ECD: variants seen among roughly 807,000 people sequenced by gnomAD.
ECD encodes the protein ecdysoneless cell cycle regulator.
A neutral mutation model predicts 77.2 loss-of-function variants in ECD; 59 were observed. That is an observed-to-expected ratio of 0.76 (90% CI 0.62 to 0.95). The LOEUF (loss-of-function observed/expected upper bound fraction) is 0.95. ECD is among the 40% of genes least tolerant of loss of function. The probability of loss-of-function intolerance (pLI) is 0.00; values close to 1 mark genes in which losing one functional copy is unlikely to be tolerated. For missense variants in ECD, 704 were observed against 763.4 expected (o/e 0.92, Z 0.92); for synonymous variants, 233 against 267.4 (o/e 0.87, Z 1.26).
At chr10:73,139,604 T>C (rs1843025173) in intron 10 of ECD, 27 bp downstream of exon 10, 1 of 1,586,068 alleles carries the variant, frequency 6.3e-7, no homozygotes, top group Non-Finnish European at 8.6e-7. Flanking sequence ...TTTTAACCCT[T>C]CCACTGTATC....
intron 11 of ECD, among the ~76,000 whole-genome samples, chr10:73,138,755 T>C (rs1276809625): frequency 6.6e-6 from 1 of 152,148 alleles, no homozygotes; most frequent in Non-Finnish European, 1.5e-5. Flanking sequence ...TTAGTAGAGA[T>C]AGGGTTTCAC....
chr10:73,155,990 C>T (rs896061818), intron 5 of ECD, among the ~76,000 whole-genome samples: 1 of 151,962 alleles, frequency 6.6e-6, no homozygotes, highest in Admixed American at 6.6e-5. Flanking sequence ...TAAATAAATG[C>T]AAAAATATTG....
intron 1 of ECD, among the ~76,000 whole-genome samples, chr10:73,166,151 C>G (rs1264703537): frequency 1.3e-5 from 2 of 151,348 alleles, no homozygotes; most frequent in African/African-American, 4.9e-5. Flanking sequence ...TTACAAATAA[C>G]AGAATCTCAT....
intron 9 of ECD, among the ~76,000 whole-genome samples, chr10:73,142,765 T>C (rs1843075637): frequency 6.6e-6 from 1 of 152,102 alleles, no homozygotes; most frequent in Non-Finnish European, 1.5e-5. Flanking sequence ...CACTTTTCTC[T>C]CTCTCTGTAT....
chr10:73,137,940 C>T (rs1842997497), intron 12 of ECD, 63 bp downstream of exon 12: 5 of 1,293,322 alleles, frequency 3.9e-6, no homozygotes, highest in Non-Finnish European at 5.2e-6. Flanking sequence ...TAAACCAATG[C>T]TCTAGCAACA....
chr10:73,155,414 T>C (rs577906393), intron 5 of ECD, among the ~76,000 whole-genome samples: 1 of 152,200 alleles, frequency 6.6e-6, no homozygotes, highest in African/African-American at 2.4e-5. Context: ...TAATATTTAA[T>C]AGGCACCCAA....
At position 73,148,384 on chromosome 10, in the gene ECD, T is replaced by TAA; in HGVS notation, c.931_932dup (p.Leu311PhefsTer18). ...AAAAATGTGGGCTACATTTGGAGCA[T>TAA]AAGATCTCAAATCCATGAGCCTAGA... On this transcript the variant is annotated frameshift_variant, in exon 8 of 14. Transcript: ENST00000372979. LOFTEE classifies it high-confidence loss of function. The TAA allele has an allele frequency of 6.2e-7, 1 of 1,613,902 alleles. No individual in the cohort carries two copies. The highest frequency in any genetic ancestry group is 8.5e-7 in the Non-Finnish European group (1 of 1,179,834).
chr10:73,155,797 T>C (rs924109103), intron 5 of ECD, among the ~76,000 whole-genome samples: 3 of 151,898 alleles, frequency 2.0e-5, no homozygotes, highest in African/African-American at 7.3e-5. Context: ...AGAGATGGGA[T>C]TTCACTATGT....
intron 9 of ECD, among the ~76,000 whole-genome samples, chr10:73,144,693 A>G (rs1425788427): frequency 6.6e-6 from 1 of 152,106 alleles, no homozygotes; most frequent in Non-Finnish European, 1.5e-5. Context: ...ACTTTACTCT[A>G]TGGACTTGCC....
intron 7 of ECD, among the ~76,000 whole-genome samples, chr10:73,150,533 T>C (rs1432442608): frequency 6.6e-6 from 1 of 152,180 alleles, no homozygotes; most frequent in Non-Finnish European, 1.5e-5. Flanking sequence ...TGGGATCTAA[T>C]TAAACTCAAG....
rs930541878 is a variant in ECD at position 73,135,766 on chromosome 10, TA to T, written c.1704+937del. On this transcript the variant is annotated intron_variant, in intron 13 of 13. Transcript: ENST00000372979. ...ATAATAAAATAAAACAAAATAATAA[TA>T]AAAAAAAGGAAAATCTCAAGCTTCA... is the stretch of plus-strand genomic sequence containing the variant. Among the ~76,000 whole-genome samples the T allele has an allele frequency of 1.7e-3, 254 of 150,834 alleles. 1 individual carries two copies. Among genetic ancestry groups the T allele is most frequent in the African/African-American group, 5.2e-3 (214 of 41,194 alleles).
Position 73,163,799 on chromosome 10 carries a change from C to T in ECD, c.139G>A (p.Ala47Thr). ...CAGATGTAGGGGACCAGCATAGGTG[C>T]AAACCGAGTGATTATTCTCTCAATG... The part of the protein sequence containing the change: ...KYIERIITRF[A>T]PMLVPYIWQN... The change falls in exon 2 of 14, where the codon GCA (alanine) becomes ACA (threonine). Residue 47 changes from alanine to threonine, a missense_variant. Physicochemically the swap from Ala to Thr is moderately conservative, Grantham distance 58. Coordinates refer to ENST00000372979, the MANE Select transcript of ECD (RefSeq NM_007265.3). The T allele has an allele frequency of 6.2e-7, 1 of 1,614,116 alleles. No individual in the cohort carries two copies. The highest frequency in any genetic ancestry group is 2.2e-5 in the East Asian group (1 of 44,874).
Position 73,148,463 on chromosome 10 carries a change from AAC to A in ECD, c.913-61_913-60del. The A allele has an allele frequency of 2.5e-6, 4 of 1,571,262 alleles. No individual in the cohort carries two copies. The South Asian group carries it at 4.7e-5, about 19-fold the overall frequency. ...TTCCTTTTTTCCCGTATCTTATTAT[AAC>A]ACATTACTTTTTTTCCATTGAGCCA... is the stretch of plus-strand genomic sequence containing the variant. On this transcript the variant is annotated intron_variant, in intron 7 of 13. Coordinates refer to ENST00000372979, the MANE Select transcript of ECD (RefSeq NM_007265.3).
intron 11 of ECD, 104 bp downstream of exon 11, chr10:73,139,205 A>T: frequency 8.8e-7 from 1 of 1,138,490 alleles, no homozygotes; most frequent in Non-Finnish European, 1.2e-6. Flanking sequence ...AAGCAGTACA[A>T]CTCATTTACT....
At chr10:73,139,819 G>A in intron 9 of ECD, 82 bp from the exon 10 acceptor site, 1 of 990,650 alleles carries the variant, frequency 1.0e-6, no homozygotes, top group Non-Finnish European at 1.5e-6. Flanking sequence ...TTTAAGGTTG[G>A]AAGGGATTAG....
At chr10:73,158,135 AT>A (rs1170754353) in intron 3 of ECD, among the ~76,000 whole-genome samples, 1 of 151,478 alleles carries the variant, frequency 6.6e-6, no homozygotes, top group Admixed American at 6.6e-5. Flanking sequence ...TAATTTTTGT[AT>A]TTTTAGTAGA....
At chr10:73,153,097 C>G (rs1197881036) in intron 6 of ECD, among the ~76,000 whole-genome samples, 1 of 151,812 alleles carries the variant, frequency 6.6e-6, no homozygotes, top group Non-Finnish European at 1.5e-5. Context: ...CTCACTGAAG[C>G]CTCAGGGATA....
intron 8 of ECD, among the ~76,000 whole-genome samples, chr10:73,148,049 C>A (rs1162974177): frequency 3.3e-5 from 5 of 152,128 alleles, no homozygotes. Context: ...TACAGATAAT[C>A]ACTTTCATCA....
intron 8 of ECD, among the ~76,000 whole-genome samples, chr10:73,147,066 C>T (rs1010279657): frequency 2.6e-5 from 4 of 151,660 alleles, no homozygotes; most frequent in African/African-American, 9.7e-5. Context: ...AGCAAGACTT[C>T]GACTCTACTA....
Sources: gnomAD v4.1 joint callset for allele counts (sites outside exome capture counted in the v4.1 genomes callset) on GRCh38, gnomAD v4.1.1 for gene constraint, MANE v1.5 for transcripts, NCBI Gene and HGNC (gene_info 2026-07-23, HGNC 2026-07-21) for gene names.